UNC5D: variants seen among roughly 807,000 people sequenced by gnomAD.
UNC5D encodes netrin receptor UNC5D.
UNC5D carries 39 observed loss-of-function variants against 105.4 expected under a neutral mutation model. The ratio of observed to expected loss-of-function variants is 0.37; its 90% CI spans 0.29 to 0.48. The LOEUF is 0.48. Ranked by LOEUF, UNC5D falls within the 20% of genes least tolerant of loss-of-function variation. The probability of loss-of-function intolerance (pLI) is 0.98; values close to 1 mark genes in which losing one functional copy is unlikely to be tolerated. For missense variants in UNC5D, 991 were observed against 1,202.4 expected (o/e 0.82, Z 2.60); for synonymous variants, 452 against 450.4 (o/e 1.00, Z -0.04).
chr8:35,679,266 A>AG (rs1382187707), intron 4 of UNC5D, among the ~76,000 whole-genome samples: 2 of 152,168 alleles, frequency 1.3e-5, no homozygotes, highest in Non-Finnish European at 2.9e-5. Context: ...AAAGGAAAAA[A>AG]GACTAGCAAA....
chr8:35,426,768 A>G (rs1806275208), intron 1 of UNC5D, among the ~76,000 whole-genome samples: 1 of 152,162 alleles, frequency 6.6e-6, no homozygotes, highest in African/African-American at 2.4e-5. Context: ...TTTAGGCTGA[A>G]TGTTCCAGAA....
In UNC5D at chr8:35,737,300, G is replaced by GTGTGTGTGTGTGTGTGTT. The variant is rs57002738; in HGVS notation, c.1766+6205_1766+6206insGTGTGTGTGTGTGTGTTT. On this transcript the variant is annotated intron_variant, in intron 11 of 16. Transcript: ENST00000404895. ...TGTGTGTGTGTGTGTGTGTGTGTGT[G>GTGTGTGTGTGTGTGTGTT]TTAATGTGTGATGAAGGAATTGAAG... Among the ~76,000 whole-genome samples, 57 of 130,158 alleles carry GTGTGTGTGTGTGTGTGTT rather than the reference G, an allele frequency of 4.4e-4. 2 individuals are homozygous for GTGTGTGTGTGTGTGTGTT. The highest frequency in any genetic ancestry group is 1.5e-3 in the African/African-American group (46 of 30,884). 85.4% of individuals were successfully genotyped at this position (130,158 alleles called of 152,430 possible). A position where few individuals can be genotyped will look rare whatever the true frequency, so the allele number is the denominator to read the frequency against.
Position 35,469,158 on chromosome 8 carries a change from C to T in UNC5D, c.104-80134C>T, listed in dbSNP as rs181567875. Among the ~76,000 whole-genome samples the T allele has an allele frequency of 1.4e-3, 218 of 152,282 alleles. 1 individual carries two copies. The highest frequency in any genetic ancestry group is 2.6e-3 in the Non-Finnish European group (178 of 68,022). The stretch of plus-strand genomic sequence containing the variant: ...AGTTTTATGAACGGCATTCATTTAT[C>T]AGACCTGTGTAGGTAAAAACTTCTC... On this transcript the variant is annotated intron_variant, in intron 1 of 16. Coordinates refer to ENST00000404895, the MANE Select transcript of UNC5D (RefSeq NM_080872.4).
At chr8:35,612,061 G>T (rs1014859082) in intron 4 of UNC5D, among the ~76,000 whole-genome samples, 1 of 152,166 alleles carries the variant, frequency 6.6e-6, no homozygotes, top group African/African-American at 2.4e-5. Context: ...GGCTAATTCT[G>T]CTCACATCAA....
At chr8:35,381,145 G>C (rs1803021988) in intron 1 of UNC5D, among the ~76,000 whole-genome samples, 1 of 152,136 alleles carries the variant, frequency 6.6e-6, no homozygotes, top group East Asian at 1.9e-4. Context: ...AGTCAAATTG[G>C]TATGATAGCC....
intron 7 of UNC5D, among the ~76,000 whole-genome samples, chr8:35,696,282 A>ATTTTTTTTTTTTT (rs755876112): frequency 6.2e-5 from 7 of 113,218 alleles, no homozygotes; most frequent in Admixed American, 9.1e-5. Flanking sequence ...TCAATATTTA[A>ATTTTTTTTTTTTT]TTTTTTTTTT....
intron 11 of UNC5D, among the ~76,000 whole-genome samples, chr8:35,736,704 A>G (rs939819493): frequency 2.0e-5 from 3 of 152,216 alleles, no homozygotes; most frequent in Non-Finnish European, 4.4e-5. Context: ...TTGTCTTATA[A>G]ACTAAAAGAG....
At chr8:35,659,085 A>T (rs978682875) in intron 4 of UNC5D, among the ~76,000 whole-genome samples, 2 of 152,152 alleles carry the variant, frequency 1.3e-5, no homozygotes, top group Admixed American at 6.5e-5. Context: ...AGTGGCTGAG[A>T]CAATGTTATG....
chr8:35,595,542 GCTT>G lies in UNC5D; in HGVS notation c.467-8_467-6del. Reference sequence around the variant, plus strand: ...TGAAACAAAGTGTCACCTATCTCATGCTTCTTTGCAGATTTACGGAAAAACTTT... The same window carrying G: ...TGAAACAAAGTGTCACCTATCTCATGCTTTGCAGATTTACGGAAAAACTTT... On this transcript the variant is annotated splice_polypyrimidine_tract_variant and intron_variant, in intron 3 of 16. Coordinates refer to ENST00000404895, the MANE Select transcript of UNC5D (RefSeq NM_080872.4). 1 of 1,613,152 alleles carries G rather than the reference GCTT, an allele frequency of 6.2e-7. No individual in the cohort carries two copies. Among genetic ancestry groups the G allele is most frequent in the Non-Finnish European group, 8.5e-7 (1 of 1,179,264 alleles).
At chr8:35,382,966 C>A (rs1803136513) in intron 1 of UNC5D, among the ~76,000 whole-genome samples, 1 of 152,210 alleles carries the variant, frequency 6.6e-6, no homozygotes, top group Non-Finnish European at 1.5e-5. Context: ...GCAGCACAGG[C>A]TCAATAAACT....
At chr8:35,304,310 G>GA (rs896976944) in intron 1 of UNC5D, among the ~76,000 whole-genome samples, 6 of 149,740 alleles carry the variant, frequency 4.0e-5, no homozygotes, top group African/African-American at 7.4e-5. Flanking sequence ...CTCTACTTAG[G>GA]AAAAAAAAAG....
chr8:35,503,907 C>T (rs141697324), intron 1 of UNC5D, among the ~76,000 whole-genome samples: 106 of 152,292 alleles, frequency 7.0e-4, no homozygotes, highest in African/African-American at 2.5e-3. Flanking sequence ...GTGCCCGGCA[C>T]AGTGCTTATT....
chr8:35,286,915 C>T (rs1161297418), intron 1 of UNC5D, among the ~76,000 whole-genome samples: 1 of 152,212 alleles, frequency 6.6e-6, no homozygotes, highest in Non-Finnish European at 1.5e-5. Context: ...AGACAACTTG[C>T]AACTCTACCT....
At chr8:35,406,993 A>C (rs1303510430) in intron 1 of UNC5D, among the ~76,000 whole-genome samples, 1 of 152,176 alleles carries the variant, frequency 6.6e-6, no homozygotes, top group African/African-American at 2.4e-5. Flanking sequence ...CATGCCCTGC[A>C]TAACGACATT....
chr8:35,670,265 T>C (rs755170307), intron 4 of UNC5D, among the ~76,000 whole-genome samples: 3 of 152,136 alleles, frequency 2.0e-5, no homozygotes, highest in Non-Finnish European at 2.9e-5. Flanking sequence ...CTTCGGTGAT[T>C]TGATAGAATG....
At chr8:35,694,233 G>A (rs1482067322) in intron 7 of UNC5D, among the ~76,000 whole-genome samples, 3 of 152,084 alleles carry the variant, frequency 2.0e-5, no homozygotes, top group African/African-American at 7.2e-5. Context: ...ACTGTTGGAA[G>A]GTACAGAGGT....
At chr8:35,616,186 G>A (rs1424576506) in intron 4 of UNC5D, among the ~76,000 whole-genome samples, 2 of 152,172 alleles carry the variant, frequency 1.3e-5, no homozygotes, top group East Asian at 3.9e-4. Context: ...TTACTCAAGG[G>A]CATAGGTAGA....
At chr8:35,267,531 C>T (rs376042836) in intron 1 of UNC5D, among the ~76,000 whole-genome samples, 7 of 152,016 alleles carry the variant, frequency 4.6e-5, no homozygotes, top group African/African-American at 1.2e-4. Flanking sequence ...CTCCGCCTCC[C>T]GGATTCAAGT....
intron 1 of UNC5D, among the ~76,000 whole-genome samples, chr8:35,463,042 C>T (rs1024219102): frequency 5.3e-5 from 8 of 152,180 alleles, no homozygotes; most frequent in African/African-American, 1.9e-4. Flanking sequence ...TGGATAGAGG[C>T]TGAGTCTGTA....
Sources: gnomAD v4.1 joint callset for allele counts (sites outside exome capture counted in the v4.1 genomes callset) on GRCh38, gnomAD v4.1.1 for gene constraint, MANE v1.5 for transcripts, NCBI Gene and HGNC (gene_info 2026-07-23, HGNC 2026-07-21) for gene names.